EFCAB6: variants seen among roughly 807,000 people sequenced by gnomAD.
EFCAB6 encodes the protein EF-hand calcium binding domain 6.
Under a neutral mutation model 169.8 loss-of-function variants are expected in EFCAB6, and 156 were observed. The observed-to-expected ratio is 0.92, with a 90% CI of 0.81 to 1.05. The LOEUF (loss-of-function observed/expected upper bound fraction) is 1.05. Among genes scored for constraint, EFCAB6 ranks in the 50% least tolerant of loss-of-function variants. EFCAB6 has a pLI of 0.00. For synonymous variants in EFCAB6, 698 were observed against 676.4 expected, an observed-to-expected ratio of 1.03 and a Z score of -0.50; for missense variants, 1,800 against 1,829.1, an observed-to-expected ratio of 0.98 and a Z score of 0.29.
At chr22:43,618,295 A>T (rs756401103) in intron 20 of EFCAB6, among the ~76,000 whole-genome samples, 1 of 147,726 alleles carries the variant, frequency 6.8e-6, no homozygotes, top group Non-Finnish European at 1.5e-5. Context: ...GCATGGGACC[A>T]AGAATGATGG....
Position 43,744,238 on chromosome 22 carries a change from G to A in EFCAB6, c.508-8245C>T, listed in dbSNP as rs1400595017. On this transcript the variant is annotated intron_variant, in intron 6 of 31. Coordinates refer to ENST00000262726, the MANE Select transcript of EFCAB6 (RefSeq NM_022785.4). The surrounding 1 kb of genome is among the most constrained non-coding windows in gnomAD (Gnocchi z 4.3). ...GCTATGGACAGATGGATGTGGGGAT[G>A]GATGATGAAGGATGGATGGGTGGAT... 6.6e-6 allele frequency among the ~76,000 whole-genome samples: 1 copy of A among 151,604 alleles called. No homozygotes were observed. Among genetic ancestry groups the A allele is most frequent in the African/African-American group, 2.4e-5 (1 of 41,262 alleles).
chr22:43,612,026 T>C (rs962168032), intron 21 of EFCAB6, among the ~76,000 whole-genome samples: 6 of 152,122 alleles, frequency 3.9e-5, no homozygotes, highest in Admixed American at 2.6e-4. Context: ...AACCATCTGA[T>C]CTTCAACAAA....
chr22:43,745,079 C>T (rs1389608638), intron 6 of EFCAB6, among the ~76,000 whole-genome samples: 1 of 152,214 alleles, frequency 6.6e-6, no homozygotes, highest in African/African-American at 2.4e-5. Context: ...GCTAAGAAAT[C>T]AAACTGCTTC....
intron 16 of EFCAB6, among the ~76,000 whole-genome samples, chr22:43,668,496 T>C (rs570093875): frequency 6.6e-6 from 1 of 152,312 alleles, no homozygotes; most frequent in South Asian, 2.1e-4. Context: ...AAATATTAAA[T>C]AGTGGCAAGG....
intron 17 of EFCAB6, among the ~76,000 whole-genome samples, chr22:43,648,978 C>T (rs1352376892): frequency 2.0e-5 from 3 of 152,172 alleles, no homozygotes; most frequent in African/African-American, 7.2e-5. Context: ...CTTGTGACTA[C>T]AGGGGAAAGA....
At chr22:43,639,303 G>A (rs374667238) in intron 17 of EFCAB6, among the ~76,000 whole-genome samples, 9 of 152,288 alleles carry the variant, frequency 5.9e-5, no homozygotes, top group Admixed American at 6.5e-5. Context: ...AGCCTTGCTT[G>A]TAGCGAAGAT....
intron 16 of EFCAB6, among the ~76,000 whole-genome samples, chr22:43,668,016 G>A (rs2057338596): frequency 6.6e-6 from 1 of 152,164 alleles, no homozygotes; most frequent in African/African-American, 2.4e-5. Context: ...TTTATGAAAT[G>A]TTTAATTGCC....
At chr22:43,763,967 C>T (rs1244037850) in intron 5 of EFCAB6, among the ~76,000 whole-genome samples, 3 of 151,646 alleles carry the variant, frequency 2.0e-5, no homozygotes, top group East Asian at 1.9e-4. Context: ...CTCACTATAT[C>T]GTCCAGGCTG....
At chr22:43,587,648 C>T (rs1315278133) in intron 24 of EFCAB6, among the ~76,000 whole-genome samples, 1 of 152,202 alleles carries the variant, frequency 6.6e-6, no homozygotes, top group Non-Finnish European at 1.5e-5. Context: ...GCATTGAAGG[C>T]CCATCCAGAT....
At chr22:43,633,324 C>T (rs1485745224) in intron 18 of EFCAB6, among the ~76,000 whole-genome samples, 3 of 152,154 alleles carry the variant, frequency 2.0e-5, no homozygotes, top group Non-Finnish European at 1.5e-5. Flanking sequence ...CCAAGGTGGG[C>T]GGATCACAAG....
Position 43,635,373 on chromosome 22 carries a change from C to T in EFCAB6, c.1984-157G>A, listed in dbSNP as rs531771334. On this transcript the variant is annotated intron_variant, in intron 17 of 31. Coordinates refer to ENST00000262726, the MANE Select transcript of EFCAB6 (RefSeq NM_022785.4). ...GCTGCCAGGGGGTGGGACCGAGTCT[C>T]CTGTGTCCCTGGGCCTTGCACAAGG... Among the ~76,000 whole-genome samples, 4 of 152,208 alleles carry T rather than the reference C, an allele frequency of 2.6e-5. No individual in the cohort carries two copies. In the South Asian group the frequency reaches 8.3e-4, roughly 32 times the overall value.
intron 3 of EFCAB6, 101 bp from the exon 4 acceptor site, chr22:43,773,204 G>A: frequency 2.6e-6 from 3 of 1,144,910 alleles, no homozygotes; most frequent in Middle Eastern, 2.8e-4. Context: ...TTATTAGATG[G>A]TATTTCTCCC....
intron 22 of EFCAB6, among the ~76,000 whole-genome samples, chr22:43,607,015 C>G (rs2147608825): frequency 6.6e-6 from 1 of 152,246 alleles, no homozygotes; most frequent in East Asian, 1.9e-4. Context: ...GCACCCCCAG[C>G]CATCCTGTCC....
At chr22:43,801,483 GCCCAAA>G (rs1438608055) in intron 2 of EFCAB6, among the ~76,000 whole-genome samples, 2 of 152,152 alleles carry the variant, frequency 1.3e-5, no homozygotes, top group East Asian at 3.8e-4. Flanking sequence ...CTAGCATGAA[GCCCAAA>G]AGAGAAATCT....
intron 6 of EFCAB6, among the ~76,000 whole-genome samples, chr22:43,754,283 G>T (rs1174208233): frequency 6.6e-6 from 1 of 152,174 alleles, no homozygotes; most frequent in Non-Finnish European, 1.5e-5. Context: ...ACTGACAGGT[G>T]AAAAAACCTA....
intron 10 of EFCAB6, among the ~76,000 whole-genome samples, chr22:43,692,509 A>G (rs1191243449): frequency 1.3e-5 from 2 of 152,214 alleles, no homozygotes; most frequent in African/African-American, 4.8e-5. Context: ...ACAATAAATC[A>G]AAGGATAGGA....
intron 27 of EFCAB6, among the ~76,000 whole-genome samples, chr22:43,541,329 G>C (rs1255769195): frequency 2.0e-5 from 3 of 152,196 alleles, no homozygotes; most frequent in Non-Finnish European, 4.4e-5. Context: ...GTCGGGGTTG[G>C]GGGGTGCAAA....
chr22:43,796,245 A>G (rs893358871), intron 2 of EFCAB6, among the ~76,000 whole-genome samples: 17 of 151,928 alleles, frequency 1.1e-4, no homozygotes, highest in African/African-American at 3.9e-4. Flanking sequence ...TGACTGTTCA[A>G]TGTCTGTCTT....
intron 10 of EFCAB6, among the ~76,000 whole-genome samples, chr22:43,703,716 G>GA (rs113204539): frequency 0.08 from 11,728 of 146,480 alleles, 655 homozygotes; most frequent in African/African-American, 0.16. Context: ...TAACTGAACT[G>GA]AAAAAAAAAA....
Sources: allele counts gnomAD v4.1 joint callset (sites outside exome capture counted in the v4.1 genomes callset), GRCh38; gene constraint gnomAD v4.1.1; non-coding constraint Gnocchi (gnomAD v3.1); transcripts MANE v1.5; gene names NCBI Gene and HGNC (gene_info 2026-07-23, HGNC 2026-07-21).